Variants in SCP2 observed in about 807,000 individuals in gnomAD.
SCP2 encodes sterol carrier protein 2, also known as SCP-2/3-oxoacyl-CoA thiolase.
A neutral mutation model predicts 71.4 loss-of-function variants in SCP2; 48 were observed. The observed-to-expected ratio is 0.67, with a 90% CI of 0.53 to 0.86. SCP2 has a LOEUF of 0.86. SCP2 is among the 40% of genes least tolerant of loss of function. The probability of loss-of-function intolerance (pLI) is 0.00; values close to 1 mark genes in which losing one functional copy is unlikely to be tolerated. For synonymous variants in SCP2, 220 were observed against 218.1 expected, an observed-to-expected ratio of 1.01 and a Z score of -0.08; for missense variants, 560 against 655.6, an observed-to-expected ratio of 0.85 and a Z score of 1.59.
At chr1:53,027,416 G>A (rs1027963006) in intron 12 of SCP2, among the ~76,000 whole-genome samples, 1 of 152,120 alleles carries the variant, frequency 6.6e-6, no homozygotes, top group Non-Finnish European at 1.5e-5. Flanking sequence ...AGATTCATGA[G>A]GGTAGCTTCT....
chr1:52,979,268 C>G (rs1658255232), intron 9 of SCP2, among the ~76,000 whole-genome samples: 1 of 152,022 alleles, frequency 6.6e-6, no homozygotes, highest in African/African-American at 2.4e-5. Flanking sequence ...GCCTCCTAGT[C>G]TCAAGCAATC....
At chr1:52,983,286 C>G (rs1252601351) in intron 10 of SCP2, among the ~76,000 whole-genome samples, 1 of 152,098 alleles carries the variant, frequency 6.6e-6, no homozygotes, top group Non-Finnish European at 1.5e-5. Flanking sequence ...TGTGTAATGT[C>G]TAGGCATGGT....
Position 52,961,493 on chromosome 1 carries a change from C to T in SCP2, c.397-10C>T, listed in dbSNP as rs1656441819. ...TCAGCTGCTTATGAAATTTTGTTCC[C>T]CCCTCTTAGTTTTCAGATAGAACCA... On this transcript the variant is annotated splice_polypyrimidine_tract_variant and intron_variant, in intron 5 of 15. Coordinates refer to ENST00000371514, the MANE Select transcript of SCP2 (RefSeq NM_002979.5). 3.1e-6 allele frequency: 5 copies of T among 1,613,510 alleles called. No individual in the cohort carries two copies. The highest frequency in any genetic ancestry group is 4.2e-6 in the Non-Finnish European group (5 of 1,179,636).
intron 1 of SCP2, among the ~76,000 whole-genome samples, chr1:52,929,321 A>T (rs1652905495): frequency 6.6e-6 from 1 of 151,506 alleles, no homozygotes; most frequent in African/African-American, 2.4e-5. Context: ...AGTAGCTAGG[A>T]CTACAGGCAT....
At chr1:52,976,586 T>G in intron 7 of SCP2, 97 bp from the exon 8 acceptor site, 1 of 753,942 alleles carries the variant, frequency 1.3e-6, no homozygotes, top group Non-Finnish European at 2.4e-6. Context: ...CTTCTGGTTG[T>G]GAAAATAATA....
chr1:53,007,944 G>T (rs1333836400), intron 11 of SCP2, among the ~76,000 whole-genome samples: 2 of 151,742 alleles, frequency 1.3e-5, no homozygotes, highest in South Asian at 4.2e-4. Flanking sequence ...TGATAAAGGG[G>T]ATATCACCAC....
intron 6 of SCP2, among the ~76,000 whole-genome samples, chr1:52,971,555 G>A (rs1005707091): frequency 2.0e-5 from 3 of 152,284 alleles, no homozygotes; most frequent in South Asian, 2.1e-4. Context: ...GTGTGTACAC[G>A]GGAACATTCA....
At chr1:52,994,281 C>A in intron 11 of SCP2, 1 of 998,174 alleles carries the variant, frequency 1.0e-6, no homozygotes, top group Non-Finnish European at 1.2e-6. Flanking sequence ...TGACTTAAAT[C>A]CTCCTTTCAG....
At position 52,991,920 on chromosome 1, in the gene SCP2, A is replaced by G. The variant is rs184664805; in HGVS notation, c.1081+3784A>G. 2.2e-3 allele frequency among the ~76,000 whole-genome samples: 335 copies of G among 152,342 alleles called. 1 individual carries two copies. Among genetic ancestry groups the G allele is most frequent in the Non-Finnish European group, 4.1e-3 (277 of 68,034 alleles). ...CTTAGCATCTCAAAATCAGGAACATACTATTGAATTGCTTAAATACAATCC... is the reference window on the plus strand; with the variant it reads ...CTTAGCATCTCAAAATCAGGAACATGCTATTGAATTGCTTAAATACAATCC... On this transcript the variant is annotated intron_variant, in intron 11 of 15. Coordinates refer to ENST00000371514, the MANE Select transcript of SCP2 (RefSeq NM_002979.5).
intron 13 of SCP2, among the ~76,000 whole-genome samples, chr1:53,033,316 T>C (rs1409588933): frequency 4.6e-5 from 7 of 152,262 alleles, no homozygotes. Flanking sequence ...AGAAAAAGGT[T>C]GACATACCGG....
intron 13 of SCP2, among the ~76,000 whole-genome samples, chr1:53,036,550 T>C (rs1039757373): frequency 6.7e-6 from 1 of 148,860 alleles, no homozygotes; most frequent in African/African-American, 2.4e-5. Context: ...TAATAATATA[T>C]ATGTAGCATA....
At chr1:53,050,539 A>G in intron 15 of SCP2, 70 bp from the exon 16 acceptor site, 1 of 925,142 alleles carries the variant, frequency 1.1e-6, no homozygotes, top group South Asian at 1.3e-5. Flanking sequence ...TCAGGGCTAG[A>G]TAGTGTAGAA....
chr1:53,037,329 T>C (rs1224284652), intron 13 of SCP2, among the ~76,000 whole-genome samples: 1 of 152,180 alleles, frequency 6.6e-6, no homozygotes, highest in African/African-American at 2.4e-5. Flanking sequence ...TTATTCACCC[T>C]GCCAGCTGGC....
intron 11 of SCP2, among the ~76,000 whole-genome samples, chr1:53,002,633 A>G (rs1482852970): frequency 2.0e-5 from 3 of 152,234 alleles, no homozygotes; most frequent in Non-Finnish European, 4.4e-5. Context: ...TTTCAATTCT[A>G]TTATAAGATG....
chr1:53,022,937 A>C (rs1344975730), intron 12 of SCP2, among the ~76,000 whole-genome samples: 1 of 152,196 alleles, frequency 6.6e-6, no homozygotes, highest in Non-Finnish European at 1.5e-5. Flanking sequence ...ATGTTTATAT[A>C]CTAGATTTAT....
chr1:53,041,186 G>A (rs568617148), intron 14 of SCP2, among the ~76,000 whole-genome samples: 209 of 152,128 alleles, frequency 1.4e-3, no homozygotes, highest in Non-Finnish European at 1.7e-3. Flanking sequence ...GGCGGATTAC[G>A]AGATCAGGAG....
intron 6 of SCP2, among the ~76,000 whole-genome samples, chr1:52,967,634 G>A (rs1393739278): frequency 6.6e-6 from 1 of 152,126 alleles, no homozygotes; most frequent in Non-Finnish European, 1.5e-5. Context: ...GGGGACAAAT[G>A]CAGAAATGAA....
chr1:53,008,312 CAG>C (rs1660763107), intron 11 of SCP2, among the ~76,000 whole-genome samples: 1 of 152,160 alleles, frequency 6.6e-6, no homozygotes, highest in Non-Finnish European at 1.5e-5. Flanking sequence ...CAAAGCCTGG[CAG>C]AGACATAACA....
At chr1:53,024,719 A>T (rs1176343197) in intron 12 of SCP2, among the ~76,000 whole-genome samples, 5 of 151,566 alleles carry the variant, frequency 3.3e-5, no homozygotes, top group Admixed American at 6.6e-5. Flanking sequence ...TTACAGGCGC[A>T]CACCACAATG....
Sources: gnomAD v4.1 joint callset for allele counts (sites outside exome capture counted in the v4.1 genomes callset) on GRCh38, gnomAD v4.1.1 for gene constraint, MANE v1.5 for transcripts, NCBI Gene and HGNC (gene_info 2026-07-23, HGNC 2026-07-21) for gene names.